ZNF284: variants seen among roughly 807,000 people sequenced by gnomAD.
The protein encoded by ZNF284 is zinc finger protein 284.
ZNF284 carries 12 observed loss-of-function variants against 12.9 expected under a neutral mutation model. That is an observed-to-expected ratio of 0.93 (90% CI 0.60 to 1.51). ZNF284 has a LOEUF of 1.51. Among genes scored for constraint, ZNF284 ranks in the 40% most tolerant of loss-of-function variants. The probability of loss-of-function intolerance (pLI) is 0.00; values close to 1 mark genes in which losing one functional copy is unlikely to be tolerated. For synonymous variants in ZNF284, 225 were observed against 236.5 expected (o/e 0.95, Z 0.45); for missense variants, 667 against 707.3 (o/e 0.94, Z 0.65).
rs1213304119 is a variant in ZNF284 at position 44,072,171 on chromosome 19, G to A, written c.-189G>A. Reference sequence around the variant, plus strand: ...GGGCGAGGTTGCTGCAGTGCATTCGGTGGTAGTTTGGTGTCAGTCCTGTGT... The same window carrying A: ...GGGCGAGGTTGCTGCAGTGCATTCGATGGTAGTTTGGTGTCAGTCCTGTGT... On this transcript the variant is annotated 5_prime_UTR_variant, in exon 1 of 5. In the 5' UTR this introduces an upstream ATG that the reference lacks. Transcript: ENST00000421176. 1 of 152,498 alleles carries A rather than the reference G, an allele frequency of 6.6e-6. No individual in the cohort carries two copies. The highest frequency in any genetic ancestry group is 1.9e-4 in the East Asian group (1 of 5,196). 9.4% of individuals were successfully genotyped at this position (152,498 alleles called of 1,614,324 possible).
intron 3 of ZNF284, 21 bp downstream of exon 3, chr19:44,081,162 T>C: frequency 6.2e-7 from 1 of 1,602,080 alleles, no homozygotes; most frequent in South Asian, 1.1e-5. Context: ...GCACCCTCTG[T>C]AATGGAACAT....
At chr19:44,077,764 T>G (rs1967055897) in intron 2 of ZNF284, among the ~76,000 whole-genome samples, 1 of 152,128 alleles carries the variant, frequency 6.6e-6, no homozygotes, top group Non-Finnish European at 1.5e-5. Context: ...GCTATTTTGC[T>G]AAATTGAAAG....
rs993734681 is a variant in ZNF284 at position 44,082,127 on chromosome 19, A to G, written c.235+22A>G. ...TCAGGTAAGAACCAAGCAACGATGC[A>G]TCCTTGTACGTGACCCTTCCATCTG... On this transcript the variant is annotated intron_variant, in intron 4 of 4. Transcript: ENST00000421176. 5 of 1,585,310 alleles carry G rather than the reference A, an allele frequency of 3.2e-6. No individual in the cohort carries two copies. In the Admixed American group the frequency reaches 5.0e-5, roughly 16 times the overall value.
intron 1 of ZNF284, among the ~76,000 whole-genome samples, chr19:44,075,745 A>C (rs1330350700): frequency 2.6e-5 from 4 of 152,100 alleles, no homozygotes; most frequent in African/African-American, 9.7e-5. Flanking sequence ...GTAGATTAAC[A>C]ATTATTTTTT....
In ZNF284 at chr19:44,086,246, A is replaced by G; in HGVS notation, c.768A>G (p.Glu256=). The G allele has an allele frequency of 6.2e-7, 1 of 1,614,232 alleles. No homozygotes were observed. The highest frequency in any genetic ancestry group is 8.5e-7 in the Non-Finnish European group (1 of 1,180,030). ...TTCATTGCAAATTACACACAGGAGA[A>G]AAACCTCATATTTGTGAGGAATGTG... The part of the protein sequence containing the change: ...MYVHCKLHTG[E]KPHICEECGK... The change falls in exon 5 of 5, where the codon GAA becomes GAG. Residue 256 remains glutamate, a synonymous_variant. Transcript: ENST00000421176.
intron 3 of ZNF284, 124 bp downstream of exon 3, chr19:44,081,265 A>C: frequency 8.2e-7 from 1 of 1,224,426 alleles, no homozygotes; most frequent in African/African-American, 1.6e-5. Flanking sequence ...GTAATTTATA[A>C]AGAAAAGACA....
intron 2 of ZNF284, among the ~76,000 whole-genome samples, chr19:44,080,047 CTT>C (rs1173722708): frequency 5.3e-5 from 8 of 152,188 alleles, no homozygotes; most frequent in African/African-American, 1.7e-4. Context: ...ATGTGACAGT[CTT>C]TATACAGAAA....
chr19:44,085,479 A>C (rs1967216094), intron 4 of ZNF284, among the ~76,000 whole-genome samples: 1 of 152,364 alleles, frequency 6.6e-6, no homozygotes. Context: ...AAATAGTAAC[A>C]CATTAACTGT....
chr19:44,086,836 G>A lies in ZNF284; in HGVS notation c.1358G>A (p.Arg453Lys), dbSNP rs762785176. The A allele has an allele frequency of 5.0e-6, 8 of 1,613,940 alleles. No individual in the cohort carries two copies. Among genetic ancestry groups the A allele is most frequent in the South Asian group, 1.1e-5 (1 of 91,046 alleles). ...DLHQRVHTGE[R>K]PYNCKECGKS... ...CACCAGAGGGTCCACACGGGAGAGAGACCTTATAATTGTAAGGAATGTGGA... is the reference window on the plus strand; with the variant it reads ...CACCAGAGGGTCCACACGGGAGAGAAACCTTATAATTGTAAGGAATGTGGA... Residue 453 changes from arginine to lysine, a missense_variant, in exon 5 of 5, where the codon AGA becomes AAA. Coordinates refer to ENST00000421176, the MANE Select transcript of ZNF284 (RefSeq NM_001037813.4).
At chr19:44,079,847 G>T (rs1967092468) in intron 2 of ZNF284, among the ~76,000 whole-genome samples, 2 of 152,026 alleles carry the variant, frequency 1.3e-5, no homozygotes, top group South Asian at 4.1e-4. Flanking sequence ...AGAATTGCTT[G>T]AACTGGGGAG....
In ZNF284 at chr19:44,087,077, C is replaced by G; in HGVS notation, c.1599C>G (p.His533Gln). ...ASTHLTHQRL[H>Q]SREKLFQCED... ...CTCATCTAACCCATCAAAGACTCCA[C>G]AGCAGAGAAAAACTATTCCAATGTG... is the stretch of plus-strand genomic sequence containing the variant. The change falls in exon 5 of 5, where the codon CAC (histidine) becomes CAG (glutamine). Residue 533 changes from histidine (H) to glutamine (Q), a missense_variant. Physicochemically the swap from His to Gln is conservative, Grantham distance 24 (BLOSUM62 0). Coordinates refer to ENST00000421176, the MANE Select transcript of ZNF284 (RefSeq NM_001037813.4). 6.2e-7 allele frequency: 1 copy of G among 1,614,100 alleles called. No homozygotes were observed. The highest frequency in any genetic ancestry group is 8.5e-7 in the Non-Finnish European group (1 of 1,180,008).
At chr19:44,085,583 G>T in intron 4 of ZNF284, 131 bp from the exon 5 acceptor site, 1 of 781,596 alleles carries the variant, frequency 1.3e-6, no homozygotes, top group Non-Finnish European at 2.1e-6. Flanking sequence ...AGAGACCGTG[G>T]TGCACTTGGA....
chr19:44,086,348 T>A lies in ZNF284; in HGVS notation c.870T>A (p.Tyr290Ter). ...IHTGEKPFKC[Y>*]ICGKSFHSRS... Reference sequence around the variant, plus strand: ...CTGGGGAGAAGCCATTCAAATGTTATATATGTGGTAAGAGCTTCCATAGTA... The same window carrying A: ...CTGGGGAGAAGCCATTCAAATGTTAAATATGTGGTAAGAGCTTCCATAGTA... Residue 290 changes from tyrosine (Y) to a stop codon, truncating the protein, a stop_gained, in exon 5 of 5, where the codon TAT becomes TAA. Coordinates refer to ENST00000421176, the MANE Select transcript of ZNF284 (RefSeq NM_001037813.4). LOFTEE classifies it low-confidence loss of function (END_TRUNC). 1 of 1,614,172 alleles carries A rather than the reference T, an allele frequency of 6.2e-7. No homozygotes were observed. Among genetic ancestry groups the A allele is most frequent in the Non-Finnish European group, 8.5e-7 (1 of 1,180,022 alleles).
At position 44,082,015 on chromosome 19, in the gene ZNF284, C is replaced by A; in HGVS notation, c.145C>A (p.His49Asn). 8 of 1,610,336 alleles carry A rather than the reference C, an allele frequency of 5.0e-6. No individual in the cohort carries two copies. The highest frequency in any genetic ancestry group is 6.8e-6 in the Non-Finnish European group (8 of 1,178,322). ...TAAGCATGTGACTTTGTTCACAGGG[C>A]ATCAACTTTCCCACCGAGATACTTT... ...ENFRNLLSVG[H>N]QLSHRDTFHF... Residue 49 changes from histidine to asparagine, a missense_variant and splice_region_variant, in exon 4 of 5, where the codon CAT (histidine) becomes AAT (asparagine). Transcript: ENST00000421176.
intron 3 of ZNF284, among the ~76,000 whole-genome samples, chr19:44,081,773 C>T (rs1408156229): frequency 6.6e-6 from 1 of 151,950 alleles, no homozygotes; most frequent in South Asian, 2.1e-4. Flanking sequence ...CATCAGATCT[C>T]GTGAGAACTC....
At chr19:44,084,172 G>T (rs56182773) in intron 4 of ZNF284, among the ~76,000 whole-genome samples, 79,862 of 151,974 alleles carry the variant, frequency 0.53, 22,851 homozygotes, top group Non-Finnish European at 0.66. Context: ...GATGTAGGCT[G>T]TGGTGGAAGA....
At chr19:44,081,225 A>T in intron 3 of ZNF284, 84 bp downstream of exon 3, 1 of 1,468,824 alleles carries the variant, frequency 6.8e-7, no homozygotes, top group South Asian at 1.4e-5. Flanking sequence ...GTTTGTTCTT[A>T]TGCTGCTATG....
chr19:44,086,437 G>T lies in ZNF284; in HGVS notation c.959G>T (p.Cys320Phe). 2 of 1,614,086 alleles carry T rather than the reference G, an allele frequency of 1.2e-6. No homozygotes were observed. Among genetic ancestry groups the T allele is most frequent in the Non-Finnish European group, 1.7e-6 (2 of 1,179,942 alleles). ...MQEKSFRCDT[C>F]SNSFGQRSAL... ...GAGAAATCATTTAGATGTGATACCT[G>T]TAGTAATAGCTTTGGTCAGAGATCA... Residue 320 changes from cysteine (C) to phenylalanine (F), a missense_variant, in exon 5 of 5, where the codon TGT becomes TTT. Cys to Phe is a radical substitution (Grantham distance 205, BLOSUM62 -2). Transcript: ENST00000421176.
At chr19:44,083,650 G>A (rs1209104421) in intron 4 of ZNF284, among the ~76,000 whole-genome samples, 1 of 151,686 alleles carries the variant, frequency 6.6e-6, no homozygotes, top group African/African-American at 2.4e-5. Context: ...TTAAGATTCA[G>A]GGGGTACATG....
Sources: gnomAD v4.1 joint callset for allele counts (sites outside exome capture counted in the v4.1 genomes callset) on GRCh38, gnomAD v4.1.1 for gene constraint, MANE v1.5 for transcripts, NCBI Gene and HGNC (gene_info 2026-07-23, HGNC 2026-07-21) for gene names.